The following NUP153 variants were observed in gnomAD, a reference collection of about 807,000 sequenced individuals.
NUP153 encodes nucleoporin 153, also known as nuclear pore complex protein Nup153.
Under a neutral mutation model 134.6 loss-of-function variants are expected in NUP153, and 27 were observed. The observed-to-expected ratio is 0.20, with a 90% confidence interval of 0.15 to 0.28. The LOEUF (loss-of-function observed/expected upper bound fraction) is 0.28. Among genes scored for constraint, NUP153 ranks in the 10% least tolerant of loss-of-function variants. The pLI is 1.00. For missense variants in NUP153, 1,821 were observed against 1,731.3 expected, an observed-to-expected ratio of 1.05 and a Z score of -0.92; for synonymous variants, 640 against 623.5, an observed-to-expected ratio of 1.03 and a Z score of -0.40.
Position 17,706,132 on chromosome 6 carries a change from G to A in NUP153, c.111+145C>T. On this transcript the variant is annotated intron_variant, in intron 1 of 21. Coordinates refer to ENST00000262077, the MANE Select transcript of NUP153 (RefSeq NM_005124.4). The surrounding 1 kb of genome is among the most constrained non-coding windows in gnomAD (Gnocchi z 5.9). ...CCCACTTCCCGTCGCCACCCCCAACGGCCTGAGCTCCCCCGGAGCCTCACT... is the reference window on the plus strand; with the variant it reads ...CCCACTTCCCGTCGCCACCCCCAACAGCCTGAGCTCCCCCGGAGCCTCACT... 1.5e-6 allele frequency: 1 copy of A among 664,912 alleles called. No individual in the cohort carries two copies. 41.2% of individuals were successfully genotyped at this position (664,912 alleles called of 1,614,324 possible). A position where few individuals can be genotyped will look rare whatever the true frequency, so the allele number is the denominator to read the frequency against.
At chr6:17,688,139 AAAAAAG>A (rs1232538476) in intron 2 of NUP153, among the ~76,000 whole-genome samples, 3 of 152,152 alleles carry the variant, frequency 2.0e-5, no homozygotes, top group Non-Finnish European at 4.4e-5. Context: ...AAAAGAAAGA[AAAAAAG>A]AAAAAGAAAA....
chr6:17,664,765 G>C (rs1239481301), intron 9 of NUP153, among the ~76,000 whole-genome samples: 2 of 152,012 alleles, frequency 1.3e-5, no homozygotes, highest in African/African-American at 4.8e-5. Context: ...ATCTGACCAA[G>C]GTAGTGGCCA....
chr6:17,633,739 A>G (rs963250014), intron 16 of NUP153, among the ~76,000 whole-genome samples: 4 of 152,172 alleles, frequency 2.6e-5, no homozygotes, highest in Admixed American at 6.5e-5. Context: ...GAAGCCATTC[A>G]TTCTGGTATT....
intron 1 of NUP153, among the ~76,000 whole-genome samples, chr6:17,701,838 G>GGT (rs1554148702): frequency 2.8e-5 from 3 of 105,978 alleles, no homozygotes; most frequent in Admixed American, 1.9e-4. Flanking sequence ...GTCTCGGGGG[G>GGT]GGGGGGAAAA....
chr6:17,617,746 G>A (rs1764412205), intron 20 of NUP153, among the ~76,000 whole-genome samples: 1 of 152,096 alleles, frequency 6.6e-6, no homozygotes, highest in Admixed American at 6.5e-5. Flanking sequence ...TCAGGAGGCT[G>A]AGGTGGGAAG....
chr6:17,671,231 T>C (rs1767888621), intron 5 of NUP153, among the ~76,000 whole-genome samples: 1 of 152,214 alleles, frequency 6.6e-6, no homozygotes, highest in Non-Finnish European at 1.5e-5. Context: ...GAGGTTTGTG[T>C]CTATAATTCA....
intron 1 of NUP153, among the ~76,000 whole-genome samples, chr6:17,703,181 G>A (rs1044643178): frequency 7.1e-5 from 9 of 126,932 alleles, no homozygotes; most frequent in Non-Finnish European, 4.8e-5. Context: ...CTGGGCCACA[G>A]AACGAGACTC....
intron 14 of NUP153, among the ~76,000 whole-genome samples, chr6:17,645,828 A>G (rs1291428621): frequency 6.6e-6 from 1 of 152,194 alleles, no homozygotes; most frequent in Non-Finnish European, 1.5e-5. Flanking sequence ...TAAATTTGCT[A>G]CCATGCCTAT....
At chr6:17,620,744 G>C (rs1057392787) in intron 20 of NUP153, among the ~76,000 whole-genome samples, 1 of 151,974 alleles carries the variant, frequency 6.6e-6, no homozygotes, top group South Asian at 2.1e-4. Context: ...GTGTTTGGCC[G>C]AAGACAATAA....
At chr6:17,690,871 G>A (rs1212696617) in intron 1 of NUP153, among the ~76,000 whole-genome samples, 1 of 152,174 alleles carries the variant, frequency 6.6e-6, no homozygotes, top group African/African-American at 2.4e-5. Flanking sequence ...CGGGCGTGGT[G>A]GCTCACGCCT....
intron 17 of NUP153, among the ~76,000 whole-genome samples, chr6:17,630,884 C>A (rs1426937773): frequency 6.6e-6 from 1 of 151,958 alleles, no homozygotes; most frequent in Admixed American, 6.6e-5. Context: ...TGCTTTTCTG[C>A]AGCTAAGGAA....
rs1770522528 is a variant in NUP153, at chr6:17,706,645, C to CG, written c.-259dup. 1 of 549,580 alleles carries CG rather than the reference C, an allele frequency of 1.8e-6. No individual in the cohort carries two copies. Among genetic ancestry groups the CG allele is most frequent in the Non-Finnish European group, 3.2e-6 (1 of 310,434 alleles). The allele number at this position is 549,580 out of a possible 1,614,324, so 34.0% of individuals were successfully genotyped here. A position where few individuals can be genotyped will look rare whatever the true frequency, so the allele number is the denominator to read the frequency against. ...CGGTCCGGCCGCCTCTGCGGACCCC[C>CG]GCCTCTGTGTGTGTCACGGTCTCTA... On this transcript the variant is annotated 5_prime_UTR_variant, in exon 1 of 22. Coordinates refer to ENST00000262077, the MANE Select transcript of NUP153 (RefSeq NM_005124.4). This position sits in a 1 kb window ranked among gnomAD's most constrained non-coding sequence, Gnocchi z 5.9.
At chr6:17,646,777 T>C (rs572617558) in intron 13 of NUP153, among the ~76,000 whole-genome samples, 1 of 152,174 alleles carries the variant, frequency 6.6e-6, no homozygotes, top group South Asian at 2.1e-4. Flanking sequence ...TTCACTCTTG[T>C]TGCCTGAGCT....
At chr6:17,695,784 C>A (rs753447772) in intron 1 of NUP153, among the ~76,000 whole-genome samples, 1 of 152,018 alleles carries the variant, frequency 6.6e-6, no homozygotes, top group Non-Finnish European at 1.5e-5. Flanking sequence ...CCAAGGTGGG[C>A]GGATCATGAG....
At chr6:17,696,005 T>A (rs1769618602) in intron 1 of NUP153, among the ~76,000 whole-genome samples, 1 of 150,444 alleles carries the variant, frequency 6.6e-6, no homozygotes, top group South Asian at 2.1e-4. Flanking sequence ...TGAGACTCCG[T>A]CTCAAAAAAA....
In NUP153 at chr6:17,706,044, A is replaced by G. The variant is rs1046606022; in HGVS notation, c.111+233T>C. Among the ~76,000 whole-genome samples, 2 of 152,112 alleles carry G rather than the reference A, an allele frequency of 1.3e-5. No individual in the cohort carries two copies. Among genetic ancestry groups the G allele is most frequent in the African/African-American group, 4.8e-5 (2 of 41,406 alleles). ...GCCTGCCTGGGAAAGCCCCTGACCC[A>G]GAGAGTTGGGGGAAAGGCGGCCCAA... On this transcript the variant is annotated intron_variant, in intron 1 of 21. Transcript: ENST00000262077. The surrounding 1 kb of genome is among the most constrained non-coding windows in gnomAD (Gnocchi z 5.9).
intron 9 of NUP153, among the ~76,000 whole-genome samples, chr6:17,662,948 G>C (rs1429849320): frequency 6.6e-6 from 1 of 152,090 alleles, no homozygotes; most frequent in Non-Finnish European, 1.5e-5. Context: ...AAAAGGAACT[G>C]TTCTAGACTA....
rs745900299 is a variant in NUP153 at position 17,647,946 on chromosome 6, T to C, written c.1534-41A>G. The stretch of plus-strand genomic sequence containing the variant: ...ATTAAGAAATGATACAAAAAGAGCT[T>C]TTTAGAAAAATAAAGTGACAAAAAA... On this transcript the variant is annotated intron_variant, in intron 12 of 21. Coordinates refer to ENST00000262077, the MANE Select transcript of NUP153 (RefSeq NM_005124.4). The C allele has an allele frequency of 4.7e-6, 6 of 1,282,816 alleles. No homozygotes were observed. In the Admixed American group the frequency reaches 1.1e-4, roughly 24 times the overall value. The allele number at this position is 1,282,816 out of a possible 1,614,324, so 79.5% of individuals were successfully genotyped here. A position where few individuals can be genotyped will look rare whatever the true frequency, so the allele number is the denominator to read the frequency against.
At chr6:17,677,768 C>T (rs931967350) in intron 2 of NUP153, among the ~76,000 whole-genome samples, 1 of 141,648 alleles carries the variant, frequency 7.1e-6, no homozygotes, top group Non-Finnish European at 1.5e-5. Flanking sequence ...CTCACTCTGT[C>T]GCCCAGGCTA....
Sources: gnomAD v4.1 joint callset for allele counts (sites outside exome capture counted in the v4.1 genomes callset) on GRCh38, gnomAD v4.1.1 for gene constraint, Gnocchi (gnomAD v3.1) non-coding constraint, MANE v1.5 for transcripts, NCBI Gene and HGNC (gene_info 2026-07-23, HGNC 2026-07-21) for gene names.